Variants in DNAJB14 observed in about 807,000 individuals in gnomAD.
DNAJB14 encodes the protein DnaJ heat shock protein family (Hsp40) member B14.
Under a neutral mutation model 48.4 loss-of-function variants are expected in DNAJB14, and 22 were observed. The observed-to-expected ratio is 0.45, with a 90% CI of 0.32 to 0.65. DNAJB14 has a LOEUF of 0.65. Ranked by LOEUF, DNAJB14 falls within the 30% of genes least tolerant of loss-of-function variation. The pLI, the probability that DNAJB14 is intolerant of heterozygous loss-of-function variation, is 0.03. For missense variants in DNAJB14, 319 were observed against 458.8 expected, an observed-to-expected ratio of 0.70 and a Z score of 2.78; for synonymous variants, 142 against 158.7, an observed-to-expected ratio of 0.89 and a Z score of 0.79.
At position 99,906,534 on chromosome 4, in the gene DNAJB14, C is replaced by G. The variant is rs752018018; in HGVS notation, c.715G>C (p.Glu239Gln). 3 of 1,611,280 alleles carry G rather than the reference C, an allele frequency of 1.9e-6. No individual in the cohort carries two copies. Among genetic ancestry groups the G allele is most frequent in the Admixed American group, 3.3e-5 (2 of 59,912 alleles). Residue 239 changes from glutamate to glutamine, a missense_variant, in exon 5 of 8, where the codon GAA (glutamate) becomes CAA (glutamine). By Grantham distance (29) the Glu-to-Gln change is conservative. Coordinates refer to ENST00000442697, the MANE Select transcript of DNAJB14 (RefSeq NM_001031723.4). ...HQHRHSGHER[E>Q]EERGDGGFSV... is the part of the protein sequence containing the mutation. The stretch of plus-strand genomic sequence containing the variant: ...AAACGTACATCTCCTCTTTCCTCTT[C>G]TCTTTCATGTCCACTATGTCGATGC...
chr4:99,946,336 C>T, intron 1 of DNAJB14, 103 bp downstream of exon 1: 1 of 1,516,800 alleles, frequency 6.6e-7, no homozygotes, highest in Non-Finnish European at 8.9e-7. Context: ...TCAGACAGGC[C>T]GGGGGCCCCG....
intron 1 of DNAJB14, among the ~76,000 whole-genome samples, chr4:99,944,187 C>A (rs1726983459): frequency 6.6e-6 from 1 of 152,118 alleles, no homozygotes; most frequent in Non-Finnish European, 1.5e-5. Flanking sequence ...ATCAAAGCCA[C>A]AATGAGATAT....
At chr4:99,933,301 G>GTT (rs1269773570) in intron 1 of DNAJB14, among the ~76,000 whole-genome samples, 1 of 123,892 alleles carries the variant, frequency 8.1e-6, no homozygotes, top group East Asian at 2.6e-4. Context: ...AACATAAACA[G>GTT]TCTTTTTTTT....
At chr4:99,936,659 C>T (rs1457261191) in intron 1 of DNAJB14, among the ~76,000 whole-genome samples, 1 of 152,032 alleles carries the variant, frequency 6.6e-6, no homozygotes, top group African/African-American at 2.4e-5. Flanking sequence ...AAATGTGAGC[C>T]TGAAATTTTT....
In DNAJB14 at chr4:99,903,811, T is replaced by C. The variant is rs771075864; in HGVS notation, c.930A>G (p.Gly310=). ...VNKDFKNEYK[G]MLLQKVEKSV... ...TCTTTTCTACCTTTTGTAATAACAT[T>C]CCTTTATATTCATTTTTGAAGTCCT... is the stretch of plus-strand genomic sequence containing the variant. The change falls in exon 7 of 8, where the codon GGA becomes GGG. Residue 310 remains glycine, a synonymous_variant. Transcript: ENST00000442697. 13 of 1,613,042 alleles carry C rather than the reference T, an allele frequency of 8.1e-6. No individual in the cohort carries two copies. Among genetic ancestry groups the C allele is most frequent in the Non-Finnish European group, 1.1e-5 (13 of 1,179,406 alleles).
chr4:99,921,396 T>C (rs1317052023), intron 3 of DNAJB14, among the ~76,000 whole-genome samples: 7 of 152,210 alleles, frequency 4.6e-5, no homozygotes, highest in Non-Finnish European at 1.0e-4. Context: ...TCTAGCGGGC[T>C]TCCTTAGGTG....
intron 3 of DNAJB14, among the ~76,000 whole-genome samples, chr4:99,917,712 T>G (rs564485653): frequency 6.6e-6 from 1 of 152,360 alleles, no homozygotes; most frequent in South Asian, 2.1e-4. Context: ...AAAAATGTCT[T>G]GATTTCCCCT....
At chr4:99,909,135 CTTT>C (rs1391837450) in intron 3 of DNAJB14, among the ~76,000 whole-genome samples, 1 of 151,944 alleles carries the variant, frequency 6.6e-6, no homozygotes, top group East Asian at 1.9e-4. Context: ...ATCCATCTTC[CTTT>C]TTTAATATTG....
chr4:99,923,856 G>C (rs1726151276), intron 2 of DNAJB14: 4 of 984,964 alleles, frequency 4.1e-6, no homozygotes, highest in Non-Finnish European at 4.8e-6. Context: ...TTATGCCAAA[G>C]ATAATTTATC....
At chr4:99,903,575 C>G in intron 7 of DNAJB14, 151 bp downstream of exon 7, 4 of 727,236 alleles carry the variant, frequency 5.5e-6, no homozygotes, top group Non-Finnish European at 8.6e-6. Context: ...TGTTAGGCCA[C>G]ATGTATATAA....
At chr4:99,932,280 G>A (rs1726503347) in intron 1 of DNAJB14, among the ~76,000 whole-genome samples, 1 of 151,752 alleles carries the variant, frequency 6.6e-6, no homozygotes, top group African/African-American at 2.4e-5. Flanking sequence ...AAAGTATCCA[G>A]AATATATAAA....
At chr4:99,923,901 TA>T (rs1367358560) in intron 2 of DNAJB14, 11 of 984,344 alleles carry the variant, frequency 1.1e-5, no homozygotes, top group Non-Finnish European at 1.3e-5. Flanking sequence ...CATCTCATGA[TA>T]AAATATAACA....
chr4:99,928,381 A>G (rs1386421994), intron 2 of DNAJB14: 1 of 173,246 alleles, frequency 5.8e-6, no homozygotes, highest in Admixed American at 6.0e-5. Context: ...GTCTCTGGCC[A>G]CATACAGAGT....
At chr4:99,942,125 C>T (rs1276574836) in intron 1 of DNAJB14, 1 of 151,686 alleles carries the variant, frequency 6.6e-6, no homozygotes, top group Non-Finnish European at 1.5e-5. Context: ...AATAATGTAG[C>T]AAAAAATTAG....
chr4:99,927,406 G>A (rs942318983), intron 2 of DNAJB14: 1 of 152,062 alleles, frequency 6.6e-6, no homozygotes, highest in African/African-American at 2.4e-5. Flanking sequence ...TAAGTTTAGC[G>A]AAATGATTTC....
At position 99,934,822 on chromosome 4, in the gene DNAJB14, AAAG is replaced by A. The variant is rs1275140468; in HGVS notation, c.134-4204_134-4202del. 7.4e-5 allele frequency among the ~76,000 whole-genome samples: 11 copies of A among 147,788 alleles called. No homozygotes were observed. The South Asian group carries it at 2.1e-3, about 28-fold the overall frequency. ...AAAAAAAAAAAAAAAAAAAAAAAGA[AAAG>A]AAAAAATTATCTCTCAAAAACTTAT... On this transcript the variant is annotated intron_variant, in intron 1 of 7. Transcript: ENST00000442697.
At chr4:99,911,770 T>C (rs1293384813) in intron 3 of DNAJB14, among the ~76,000 whole-genome samples, 1 of 152,184 alleles carries the variant, frequency 6.6e-6, no homozygotes. Flanking sequence ...TTGGAGTTCT[T>C]TATATTTAAT....
At position 99,899,376 on chromosome 4, in the gene DNAJB14, T is replaced by C. The variant is rs1244142270; in HGVS notation, c.*1652A>G. ...AGGCTCAACAAAATAATTAAAATTG[T>C]ATTTTCTCTTAAGCACTGCTTTTTT... On this transcript the variant is annotated 3_prime_UTR_variant, in exon 8 of 8. Transcript: ENST00000442697. 1 of 152,030 alleles carries C rather than the reference T, an allele frequency of 6.6e-6. No individual in the cohort carries two copies. The highest frequency in any genetic ancestry group is 6.6e-5 in the Admixed American group (1 of 15,224). 9.4% of individuals were successfully genotyped at this position (152,030 alleles called of 1,614,324 possible).
chr4:99,903,787 C>G lies in DNAJB14; in HGVS notation c.954G>C (p.Lys318Asn), dbSNP rs747099781. The G allele has an allele frequency of 7.4e-6, 12 of 1,612,790 alleles. No individual in the cohort carries two copies. In the Admixed American group the frequency reaches 2.0e-4, roughly 27 times the overall value. Residue 318 changes from lysine to asparagine, a missense_variant, in exon 7 of 8, where the codon AAG becomes AAC. Physicochemically the swap from Lys to Asn is moderately conservative, Grantham distance 94. Coordinates refer to ENST00000442697, the MANE Select transcript of DNAJB14 (RefSeq NM_001031723.4). ...TAGTCACATAATCTTCCTCCACACT[C>G]TTTTCTACCTTTTGTAATAACATTC... ...YKGMLLQKVEKSVEEDYVTNI... is the reference protein window; with the variant it reads ...YKGMLLQKVENSVEEDYVTNI...
Sources: gnomAD v4.1 joint callset for allele counts (sites outside exome capture counted in the v4.1 genomes callset) on GRCh38, gnomAD v4.1.1 for gene constraint, MANE v1.5 for transcripts, NCBI Gene and HGNC (gene_info 2026-07-23, HGNC 2026-07-21) for gene names.